Variants in TENM2 observed in about 807,000 individuals in gnomAD.
TENM2 encodes teneurin transmembrane protein 2, also known as teneurin-2.
TENM2 carries 52 observed loss-of-function variants against 245.2 expected under a neutral mutation model. The ratio of observed to expected loss-of-function variants is 0.21; its 90% confidence interval spans 0.17 to 0.27. The LOEUF is 0.27. Ranked by LOEUF, TENM2 falls within the 10% of genes least tolerant of loss-of-function variation. The pLI, the probability that TENM2 is intolerant of heterozygous loss-of-function variation, is 1.00. For synonymous variants in TENM2, 1,363 were observed against 1,438.9 expected (o/e 0.95, Z 1.19); for missense variants, 3,046 against 3,666.8 (o/e 0.83, Z 4.37).
chr5:168,158,825 GTGTGTATATA>G (rs1351000527), intron 12 of TENM2, among the ~76,000 whole-genome samples: 2 of 84,024 alleles, frequency 2.4e-5, no homozygotes, highest in South Asian at 3.6e-4. Context: ...GTGTGTGTGT[GTGTGTATATA>G]TATATATATA....
At chr5:167,039,795 C>T in the TENM2 span, among the ~76,000 whole-genome samples, 2 of 151,480 alleles carry the variant, frequency 1.3e-5, no homozygotes, top group African/African-American at 4.9e-5. Context: ...ATTTTTTGTA[C>T]CTTGAGTATA....
At chr5:167,694,273 C>T (rs1455063585) in intron 2 of TENM2, among the ~76,000 whole-genome samples, 1 of 152,084 alleles carries the variant, frequency 6.6e-6, no homozygotes, top group Non-Finnish European at 1.5e-5. Context: ...ATGTTGGAAG[C>T]ACCTGGGGAT....
At chr5:167,171,470 G>A in the TENM2 span, among the ~76,000 whole-genome samples, 2 of 152,148 alleles carry the variant, frequency 1.3e-5, no homozygotes, top group Admixed American at 6.6e-5. Flanking sequence ...CAGAAGAGAG[G>A]TTAACAAAAG....
chr5:167,960,698 G>A (rs1394331915), intron 4 of TENM2, among the ~76,000 whole-genome samples: 2 of 152,182 alleles, frequency 1.3e-5, no homozygotes, highest in Non-Finnish European at 2.9e-5. Flanking sequence ...CTTTCCAGGG[G>A]AGTGAACGGT....
At chr5:167,543,216 C>T (rs1772329430) in intron 2 of TENM2, among the ~76,000 whole-genome samples, 1 of 152,144 alleles carries the variant, frequency 6.6e-6, no homozygotes, top group Admixed American at 6.5e-5. Context: ...CTAGGCTGAG[C>T]TTCCTCAAAC....
At position 167,445,336 on chromosome 5, in the gene TENM2, T is replaced by TAGAGAGAGAGAGAGAGAG. The variant is rs1554154174; in HGVS notation, c.502+69880_502+69897dup. ...TTATATATATATATATATATATATA[T>TAGAGAGAGAGAGAGAGAG]AGAGAGAGAGAGAGAGAGAGAGAGA... On this transcript the variant is annotated intron_variant, in intron 2 of 28. Coordinates refer to ENST00000518659, the Ensembl canonical transcript of TENM2. Among the ~76,000 whole-genome samples the TAGAGAGAGAGAGAGAGAG allele has an allele frequency of 2.0e-3, 154 of 77,246 alleles. 1 individual carries two copies. Among genetic ancestry groups the TAGAGAGAGAGAGAGAGAG allele is most frequent in the African/African-American group, 2.4e-3 (44 of 18,030 alleles). 50.7% of individuals were successfully genotyped at this position (77,246 alleles called of 152,430 possible). A position where few individuals can be genotyped will look rare whatever the true frequency, so the allele number is the denominator to read the frequency against.
chr5:167,801,288 G>T (rs1765750792), intron 2 of TENM2, among the ~76,000 whole-genome samples: 1 of 151,324 alleles, frequency 6.6e-6, no homozygotes, highest in African/African-American at 2.4e-5. Context: ...AAATTTCTTG[G>T]TGGCTGGTTA....
At chr5:168,092,904 AG>A (rs1285054566) in intron 8 of TENM2, among the ~76,000 whole-genome samples, 2 of 152,224 alleles carry the variant, frequency 1.3e-5, no homozygotes, top group Non-Finnish European at 2.9e-5. Context: ...ACGGTATGCT[AG>A]CCCCAGTATT....
chr5:168,260,688 G>T (rs1164889746), intron 28 of TENM2, among the ~76,000 whole-genome samples: 1 of 152,154 alleles, frequency 6.6e-6, no homozygotes, highest in Non-Finnish European at 1.5e-5. Flanking sequence ...ATTAACAACA[G>T]CACAGAGAAA....
At chr5:167,569,911 C>T (rs1452595922) in intron 2 of TENM2, among the ~76,000 whole-genome samples, 1 of 152,056 alleles carries the variant, frequency 6.6e-6, no homozygotes, top group African/African-American at 2.4e-5. Context: ...CAAAGCCCAG[C>T]TCCTAATTAT....
At position 167,974,035 on chromosome 5, in the gene TENM2, GGAGA is replaced by G. The variant is rs773240749; in HGVS notation, c.948-18908_948-18905del. ...AGGGAGGGAGGGAGGAAGGAAGGAA[GGAGA>G]AGGAAGGAAGGGAGGAAAGGAGGGA... On this transcript the variant is annotated intron_variant, in intron 4 of 28. Coordinates refer to ENST00000518659, the Ensembl canonical transcript of TENM2. 5.2e-3 allele frequency among the ~76,000 whole-genome samples: 278 copies of G among 53,682 alleles called. 9 individuals carry two copies. The highest frequency in any genetic ancestry group is 8.2e-3 in the Middle Eastern group (1 of 122). 35.2% of individuals were successfully genotyped at this position (53,682 alleles called of 152,430 possible). A position where few individuals can be genotyped will look rare whatever the true frequency, so the allele number is the denominator to read the frequency against.
At chr5:168,113,341 G>A (rs1474111395) in intron 9 of TENM2, among the ~76,000 whole-genome samples, 3 of 151,930 alleles carry the variant, frequency 2.0e-5, no homozygotes, top group Non-Finnish European at 2.9e-5. Context: ...AATAATAATA[G>A]TAATAAAATG....
At chr5:167,927,358 G>A (rs1297272034) in intron 3 of TENM2, among the ~76,000 whole-genome samples, 1 of 152,168 alleles carries the variant, frequency 6.6e-6, no homozygotes, top group African/African-American at 2.4e-5. Flanking sequence ...TACTGACATT[G>A]TAGAGTGAAT....
rs147198597 is a variant in TENM2, at chr5:167,870,706, C to CTATATA, written c.503-5266_503-5261dup. Among the ~76,000 whole-genome samples the CTATATA allele has an allele frequency of 1.1e-3, 165 of 144,722 alleles. 1 individual carries two copies. Among genetic ancestry groups the CTATATA allele is most frequent in the African/African-American group, 3.8e-3 (149 of 39,412 alleles). The allele number at this position is 144,722 out of a possible 152,430, so 94.9% of individuals were successfully genotyped here. A position where few individuals can be genotyped will look rare whatever the true frequency, so the allele number is the denominator to read the frequency against. ...CTCAGTTCTTGAAATAAAGCAAGAT[C>CTATATA]TATATATATATATATATATGTGTGA... On this transcript the variant is annotated intron_variant, in intron 2 of 28. Coordinates refer to ENST00000518659, the Ensembl canonical transcript of TENM2.
At chr5:168,041,103 G>A (rs1488250741) in intron 5 of TENM2, among the ~76,000 whole-genome samples, 2 of 152,108 alleles carry the variant, frequency 1.3e-5, no homozygotes, top group African/African-American at 2.4e-5. Context: ...TCAGAGGGCC[G>A]ATGTCCTCCA....
At chr5:168,147,407 G>A (rs1181299667) in intron 12 of TENM2, among the ~76,000 whole-genome samples, 3 of 152,128 alleles carry the variant, frequency 2.0e-5, no homozygotes, top group South Asian at 2.1e-4. Flanking sequence ...TTCACACCAC[G>A]GCCTGGCTAT....
chr5:167,922,402 A>G (rs1777439108), intron 3 of TENM2, among the ~76,000 whole-genome samples: 2 of 105,954 alleles, frequency 1.9e-5, no homozygotes, highest in Admixed American at 1.6e-4. Flanking sequence ...ATCATGAATC[A>G]CCATATCTCC....
chr5:167,761,828 A>G (rs995695456), intron 2 of TENM2, among the ~76,000 whole-genome samples: 1 of 152,174 alleles, frequency 6.6e-6, no homozygotes, highest in Non-Finnish European at 1.5e-5. Flanking sequence ...CTCCTTCCAT[A>G]GACACATTCA....
At chr5:167,854,121 C>T (rs1770851828) in intron 2 of TENM2, among the ~76,000 whole-genome samples, 1 of 152,132 alleles carries the variant, frequency 6.6e-6, no homozygotes, top group South Asian at 2.1e-4. Context: ...ATATAGTTCT[C>T]CTATAAATAA....
Sources: gnomAD v4.1 joint callset for allele counts (sites outside exome capture counted in the v4.1 genomes callset) on GRCh38, gnomAD v4.1.1 for gene constraint, MANE v1.5 for transcripts, NCBI Gene and HGNC (gene_info 2026-07-23, HGNC 2026-07-21) for gene names.